CDH8: variants seen among roughly 807,000 people sequenced by gnomAD.
The protein encoded by CDH8 is cadherin-8.
A neutral mutation model predicts 68.1 loss-of-function variants in CDH8; 17 were observed. The observed-to-expected ratio is 0.25, with a 90% CI of 0.17 to 0.37. The LOEUF (loss-of-function observed/expected upper bound fraction) is 0.37. CDH8 is among the 10% of genes least tolerant of loss of function. CDH8 has a pLI of 1.00. For missense variants in CDH8, 763 were observed against 999.3 expected (o/e 0.76, Z 3.19); for synonymous variants, 372 against 365.1 (o/e 1.02, Z -0.21).
intron 7 of CDH8, among the ~76,000 whole-genome samples, chr16:61,793,313 A>T (rs1482809310): frequency 6.6e-6 from 1 of 151,920 alleles, no homozygotes; most frequent in East Asian, 1.9e-4. Flanking sequence ...TTACATAGGT[A>T]AATGTGTGTC....
chr16:61,717,529 T>A (rs1211806752), intron 9 of CDH8, among the ~76,000 whole-genome samples: 1 of 151,626 alleles, frequency 6.6e-6, no homozygotes, highest in Non-Finnish European at 1.5e-5. Context: ...TTTTGGACTA[T>A]TTTACATTAA....
chr16:61,838,537 G>A (rs557343583), intron 4 of CDH8, among the ~76,000 whole-genome samples: 16 of 152,018 alleles, frequency 1.1e-4, no homozygotes, highest in Admixed American at 4.6e-4. Flanking sequence ...CAAACTCTTC[G>A]TTGCTCATGG....
At chr16:62,018,159 A>T (rs1489682795) in intron 2 of CDH8, among the ~76,000 whole-genome samples, 3 of 152,206 alleles carry the variant, frequency 2.0e-5, no homozygotes, top group Non-Finnish European at 4.4e-5. Flanking sequence ...AAAGTGGCCA[A>T]GCTCATATTC....
chr16:61,760,031 C>A (rs1204541788), intron 8 of CDH8, among the ~76,000 whole-genome samples: 2 of 151,976 alleles, frequency 1.3e-5, no homozygotes, highest in African/African-American at 4.8e-5. Flanking sequence ...ACACCCCCCA[C>A]CCCAACCCAA....
chr16:61,926,152 G>GGGGAGTGTGTGTGTGTGTGTGT (rs1181874133), intron 2 of CDH8, among the ~76,000 whole-genome samples: 1 of 142,118 alleles, frequency 7.0e-6, no homozygotes, highest in African/African-American at 2.6e-5. Flanking sequence ...ACTCAGAAGG[G>GGGGAGTGTGTGTGTGTGTGTGT]GTGTGTGTGT....
chr16:61,901,088 T>C, intron 3 of CDH8, 91 bp downstream of exon 3: 2 of 1,163,724 alleles, frequency 1.7e-6, no homozygotes, highest in Non-Finnish European at 2.5e-6. Flanking sequence ...TGGTAATAAA[T>C]GTCTTTCATT....
intron 2 of CDH8, among the ~76,000 whole-genome samples, chr16:61,963,908 C>G (rs1449176875): frequency 6.6e-6 from 1 of 152,144 alleles, no homozygotes; most frequent in East Asian, 1.9e-4. Context: ...AAAGAAGCAG[C>G]CAATGGCAAC....
chr16:61,707,310 A>G (rs558718388), intron 10 of CDH8, among the ~76,000 whole-genome samples: 2 of 152,310 alleles, frequency 1.3e-5, no homozygotes, highest in South Asian at 4.1e-4. Flanking sequence ...TTTTTACTTA[A>G]TATTTTATTA....
At chr16:61,766,358 C>T (rs1960590628) in intron 8 of CDH8, among the ~76,000 whole-genome samples, 2 of 151,910 alleles carry the variant, frequency 1.3e-5, no homozygotes, top group South Asian at 4.1e-4. Context: ...GGTATACATA[C>T]ATATGCTACA....
chr16:61,929,042 G>C (rs1964499895), intron 2 of CDH8, among the ~76,000 whole-genome samples: 1 of 152,096 alleles, frequency 6.6e-6, no homozygotes, highest in Non-Finnish European at 1.5e-5. Flanking sequence ...CCGAGTAGCT[G>C]GGACTACAGG....
Position 61,647,936 on chromosome 16 carries a change from G to T in CDH8, c.*5672C>A, listed in dbSNP as rs1183906047. ...CTATTATCTATTAGTAGGGATACTT[G>T]CAAGAAATAATACTTGCATTCAAGA... On this transcript the variant is annotated 3_prime_UTR_variant, in exon 12 of 12. Coordinates refer to ENST00000577390, the MANE Select transcript of CDH8 (RefSeq NM_001796.5). 4.4e-6 allele frequency: 3 copies of T among 675,830 alleles called. No homozygotes were observed. The highest frequency in any genetic ancestry group is 1.8e-5 in the African/African-American group (1 of 55,566). The allele number at this position is 675,830 out of a possible 1,614,324, so 41.9% of individuals were successfully genotyped here. A position where few individuals can be genotyped will look rare whatever the true frequency, so the allele number is the denominator to read the frequency against.
chr16:61,766,508 C>T (rs1302663042), intron 8 of CDH8, among the ~76,000 whole-genome samples: 3 of 151,904 alleles, frequency 2.0e-5, no homozygotes, highest in Non-Finnish European at 4.4e-5. Flanking sequence ...AGATACCCAG[C>T]ATGGGATTGC....
intron 7 of CDH8, among the ~76,000 whole-genome samples, chr16:61,808,035 A>G (rs1961837448): frequency 6.6e-6 from 1 of 152,250 alleles, no homozygotes; most frequent in African/African-American, 2.4e-5. Flanking sequence ...ATATATGCAA[A>G]AAGCACTGTA....
chr16:61,901,107 C>T, intron 3 of CDH8, 72 bp downstream of exon 3: 2 of 1,325,446 alleles, frequency 1.5e-6, no homozygotes, highest in Non-Finnish European at 2.1e-6. Context: ...TTCAGCAATA[C>T]ACCATCCTTG....
chr16:61,945,667 G>C (rs1040439153), intron 2 of CDH8, among the ~76,000 whole-genome samples: 2 of 152,106 alleles, frequency 1.3e-5, no homozygotes, highest in African/African-American at 4.8e-5. Flanking sequence ...TCCAAACCCA[G>C]GGAGTCATCA....
Position 61,960,029 on chromosome 16 carries a change from C to CATATATGTATGTATGTGTGTATGTAT in CDH8, c.253-58557_253-58556insATACATACACACATACATACATATAT, listed in dbSNP as rs1175040440. On this transcript the variant is annotated intron_variant, in intron 2 of 11. Coordinates refer to ENST00000577390, the MANE Select transcript of CDH8 (RefSeq NM_001796.5). ...ATATATATATATACACACATACACA[C>CATATATGTATGTATGTGTGTATGTAT]ACACACACAACATATATGTATGTAT... Among the ~76,000 whole-genome samples, 11 of 104,940 alleles carry CATATATGTATGTATGTGTGTATGTAT rather than the reference C, an allele frequency of 1.0e-4. 2 individuals carry two copies. Among genetic ancestry groups the CATATATGTATGTATGTGTGTATGTAT allele is most frequent in the Non-Finnish European group, 1.7e-4 (9 of 53,622 alleles). 68.8% of individuals were successfully genotyped at this position (104,940 alleles called of 152,430 possible).
chr16:61,959,029 C>A lies in CDH8; in HGVS notation c.253-57556G>T, dbSNP rs76740108. On this transcript the variant is annotated intron_variant, in intron 2 of 11. Coordinates refer to ENST00000577390, the MANE Select transcript of CDH8 (RefSeq NM_001796.5). ...GTTGCTTGTCCTCTCTGCCTGAAAT[C>A]CTTTCTCTCATTTGGCCAACTTCTG... Among the ~76,000 whole-genome samples, 1,418 of 152,032 alleles carry A rather than the reference C, an allele frequency of 9.3e-3. 31 individuals are homozygous for A. Among genetic ancestry groups the A allele is most frequent in the African/African-American group, 0.032 (1,323 of 41,464 alleles).
intron 8 of CDH8, among the ~76,000 whole-genome samples, chr16:61,757,758 T>C (rs1185371969): frequency 6.6e-6 from 1 of 152,154 alleles, no homozygotes; most frequent in African/African-American, 2.4e-5. Context: ...GCCATATGAT[T>C]GAGCCATGTT....
intron 4 of CDH8, among the ~76,000 whole-genome samples, chr16:61,850,223 A>G (rs1034439131): frequency 6.6e-6 from 1 of 152,052 alleles, no homozygotes; most frequent in African/African-American, 2.4e-5. Flanking sequence ...GGCATGTCAC[A>G]TGGCAAGACA....
Sources: gnomAD v4.1 joint callset for allele counts (sites outside exome capture counted in the v4.1 genomes callset) on GRCh38, gnomAD v4.1.1 for gene constraint, MANE v1.5 for transcripts, NCBI Gene and HGNC (gene_info 2026-07-23, HGNC 2026-07-21) for gene names.